The following ADAM12 variants were observed in gnomAD, a reference collection of about 807,000 sequenced individuals.
ADAM12 encodes the protein disintegrin and metalloproteinase domain-containing protein 12.
A neutral mutation model predicts 106.4 loss-of-function variants in ADAM12; 70 were observed. The ratio of observed to expected loss-of-function variants is 0.66; its 90% CI spans 0.54 to 0.80. The LOEUF (loss-of-function observed/expected upper bound fraction) is 0.80. Among genes scored for constraint, ADAM12 ranks in the 30% least tolerant of loss-of-function variants. The pLI is 0.00. For missense variants in ADAM12, 1,010 were observed against 1,171.9 expected, an observed-to-expected ratio of 0.86 and a Z score of 2.02; for synonymous variants, 420 against 433.5, an observed-to-expected ratio of 0.97 and a Z score of 0.39.
At position 126,094,046 on chromosome 10, in the gene ADAM12, T is replaced by C. The variant is rs1180426363; in HGVS notation, c.1084A>G (p.Arg362Gly). 1 of 1,614,174 alleles carries C rather than the reference T, an allele frequency of 6.2e-7. No homozygotes were observed. Among genetic ancestry groups the C allele is most frequent in the Admixed American group, 1.7e-5 (1 of 60,026 alleles). Residue 362 changes from arginine (R) to glycine (G), a missense_variant, in exon 11 of 23, where the codon AGG becomes GGG. By Grantham distance (125) the Arg-to-Gly change is moderately radical. This residue lies in a region of ADAM12 where 4 missense variants were observed against 20.5 expected (regional missense o/e 0.19). Coordinates refer to ENST00000448723, the MANE Select transcript of ADAM12 (RefSeq NM_001288973.2). ...NFGMNHDTLD[R>G]GCSCQMAVEK... ...ACCGCCATTTGACAGCTACAGCCCC[T>C]GTCCAGTGTGTCATGATTCATCCCG...
chr10:126,328,101 C>T (rs1474128828), intron 2 of ADAM12, among the ~76,000 whole-genome samples: 1 of 152,256 alleles, frequency 6.6e-6, no homozygotes, highest in East Asian at 1.9e-4. Flanking sequence ...CTGCTGGCCC[C>T]TAGAATACTT....
At chr10:126,039,229 G>A (rs1326279191) in intron 19 of ADAM12, 65 bp downstream of exon 19, 3 of 1,584,994 alleles carry the variant, frequency 1.9e-6, no homozygotes, top group Non-Finnish European at 2.6e-6. Context: ...TTACAGGCTT[G>A]AGCCACCGCA....
chr10:126,249,349 G>A (rs1958697871), intron 3 of ADAM12, among the ~76,000 whole-genome samples: 1 of 152,182 alleles, frequency 6.6e-6, no homozygotes, highest in African/African-American at 2.4e-5. Flanking sequence ...GATGGGGAGT[G>A]CATTTATGTC....
At chr10:126,356,955 G>A (rs1176596606) in intron 1 of ADAM12, among the ~76,000 whole-genome samples, 4 of 152,128 alleles carry the variant, frequency 2.6e-5, no homozygotes, top group African/African-American at 9.7e-5. Flanking sequence ...GGAAGCCAAT[G>A]GGAATTATGG....
At chr10:126,042,118 TG>T (rs1294308140) in intron 18 of ADAM12, 1 of 1,612,744 alleles carries the variant, frequency 6.2e-7, no homozygotes, top group Non-Finnish European at 8.5e-7. Flanking sequence ...ACGGTCTCCA[TG>T]TCATGGGAGG....
At chr10:126,291,942 A>T (rs1960168965) in intron 2 of ADAM12, among the ~76,000 whole-genome samples, 1 of 151,340 alleles carries the variant, frequency 6.6e-6, no homozygotes, top group East Asian at 2.0e-4. Flanking sequence ...AGACATCCTC[A>T]ATCTGTACAC....
intron 3 of ADAM12, among the ~76,000 whole-genome samples, chr10:126,260,497 TG>T (rs1464535598): frequency 6.6e-6 from 1 of 152,130 alleles, no homozygotes; most frequent in East Asian, 1.9e-4. Flanking sequence ...ATTGGACTAC[TG>T]GGGAAAAGAG....
At chr10:126,381,304 T>A (rs914809578) in intron 1 of ADAM12, among the ~76,000 whole-genome samples, 1 of 152,072 alleles carries the variant, frequency 6.6e-6, no homozygotes, top group African/African-American at 2.4e-5. Flanking sequence ...TGTTTATCTG[T>A]ATGCCCTCCT....
chr10:126,340,555 T>C (rs947790484), intron 1 of ADAM12, among the ~76,000 whole-genome samples: 2 of 152,150 alleles, frequency 1.3e-5, no homozygotes, highest in Non-Finnish European at 2.9e-5. Context: ...GTGTGATAAA[T>C]AAACACTCAT....
At chr10:126,040,486 C>T (rs61863619) in intron 18 of ADAM12, among the ~76,000 whole-genome samples, 12 of 152,146 alleles carry the variant, frequency 7.9e-5, no homozygotes, top group Non-Finnish European at 1.5e-4. Context: ...TCTTTCACAC[C>T]TTCTTGGTTT....
intron 3 of ADAM12, among the ~76,000 whole-genome samples, chr10:126,179,466 CA>C (rs1428601800): frequency 6.6e-6 from 1 of 152,108 alleles, no homozygotes; most frequent in South Asian, 2.1e-4. Context: ...TCTGATAAAA[CA>C]AAGTCAATTC....
intron 21 of ADAM12, among the ~76,000 whole-genome samples, chr10:126,029,374 G>A (rs1953935124): frequency 6.8e-6 from 1 of 146,110 alleles, no homozygotes; most frequent in Non-Finnish European, 1.5e-5. Context: ...GTAAGAAAAT[G>A]TGGTAAATAT....
chr10:126,050,237 T>C (rs2133440531), intron 14 of ADAM12, among the ~76,000 whole-genome samples: 1 of 152,354 alleles, frequency 6.6e-6, no homozygotes, highest in South Asian at 2.1e-4. Context: ...TCAGAGGCCA[T>C]GGAGTCATAA....
intron 3 of ADAM12, among the ~76,000 whole-genome samples, chr10:126,189,251 A>G (rs1396673275): frequency 6.6e-6 from 1 of 152,206 alleles, no homozygotes; most frequent in Non-Finnish European, 1.5e-5. Flanking sequence ...GACAGTGGGA[A>G]CAGCACGTGG....
Position 126,080,030 on chromosome 10 carries a change from A to G in ADAM12, c.1146-8376T>C, listed in dbSNP as rs577282101. Among the ~76,000 whole-genome samples, 13 of 152,330 alleles carry G rather than the reference A, an allele frequency of 8.5e-5. No individual in the cohort carries two copies. The South Asian group carries it at 2.7e-3, about 32-fold the overall frequency. ...CAGAAATGAATTTTCAAGTACCTGG[A>G]AGTGTTATGTGAAATTGACTAATCC... On this transcript the variant is annotated intron_variant, in intron 11 of 22. Coordinates refer to ENST00000448723, the MANE Select transcript of ADAM12 (RefSeq NM_001288973.2).
chr10:126,032,417 TGTGGATTTTTCAGTGACTG>T (rs1953987298), intron 21 of ADAM12, among the ~76,000 whole-genome samples: 1 of 152,114 alleles, frequency 6.6e-6, no homozygotes, highest in Non-Finnish European at 1.5e-5. Context: ...GAGTGAGAAA[TGTGGATTTTTCAGTGACTG>T]ATGTTTAAAG....
At chr10:126,051,516 T>TCCAGCCAGCCAG (rs1954488088) in intron 14 of ADAM12, among the ~76,000 whole-genome samples, 2 of 141,980 alleles carry the variant, frequency 1.4e-5, no homozygotes, top group South Asian at 4.6e-4. Flanking sequence ...CATCCATCCA[T>TCCAGCCAGCCAG]CCATCCAGCC....
chr10:126,030,462 C>T (rs1240005327), intron 21 of ADAM12, among the ~76,000 whole-genome samples: 3 of 152,124 alleles, frequency 2.0e-5, no homozygotes, highest in South Asian at 2.1e-4. Context: ...GACTGTTTTC[C>T]GAATGACCCT....
At chr10:126,206,923 G>T (rs542895793) in intron 3 of ADAM12, among the ~76,000 whole-genome samples, 4 of 149,422 alleles carry the variant, frequency 2.7e-5, no homozygotes, top group African/African-American at 9.8e-5. Flanking sequence ...CTGTTCTCCT[G>T]ATAGTGAATA....
Sources: allele counts gnomAD v4.1 joint callset (sites outside exome capture counted in the v4.1 genomes callset), GRCh38; gene constraint gnomAD v4.1.1; regional missense constraint gnomAD v4.1.1; transcripts MANE v1.5; gene names NCBI Gene and HGNC (gene_info 2026-07-23, HGNC 2026-07-21).